Variants in ATP2B3 observed in about 807,000 individuals in gnomAD.
ATP2B3 encodes plasma membrane calcium-transporting ATPase 3.
Under a neutral mutation model 70.8 loss-of-function variants are expected in ATP2B3, and 12 were observed. The observed-to-expected ratio is 0.17, with a 90% CI of 0.11 to 0.27. The LOEUF (loss-of-function observed/expected upper bound fraction) is 0.27. Ranked by LOEUF, ATP2B3 falls within the 10% of genes least tolerant of loss-of-function variation. ATP2B3 has a pLI of 1.00. For synonymous variants in ATP2B3, 460 were observed against 497.8 expected (o/e 0.92, Z 1.01); for missense variants, 858 against 1,118.5 (o/e 0.77, Z 3.32).
chrX:153,549,449 A>G (rs782743146), intron 10 of ATP2B3, 48 bp from the exon 11 acceptor site: 14 of 1,205,893 alleles, frequency 1.2e-5, no homozygotes, highest in East Asian at 5.9e-5. Flanking sequence ...TCACTCCTCC[A>G]CCCCAACAAG....
chrX:153,573,115 G>A (rs2090813068), intron 21 of ATP2B3, among the ~76,000 whole-genome samples: 1 of 112,789 alleles, frequency 8.9e-6, no homozygotes, highest in Admixed American at 9.3e-5. Context: ...TTAGGCAGCA[G>A]GCCATGAGTC....
chrX:153,581,407 C>T lies in ATP2B3; in HGVS notation c.*1109C>T, dbSNP rs2090921179. 1 of 112,619 alleles carries T rather than the reference C, an allele frequency of 8.9e-6. No homozygotes were observed. Among genetic ancestry groups the T allele is most frequent in the African/African-American group, 3.2e-5 (1 of 30,969 alleles). 9.3% of individuals were successfully genotyped at this position (112,619 alleles called of 1,213,427 possible). A position where few individuals can be genotyped will look rare whatever the true frequency, so the allele number is the denominator to read the frequency against. ...TTTCAGCTTTCTTTGGTTCCTACTC[C>T]AATTCCACATCCTTCATCCTGGCCA... is the stretch of plus-strand genomic sequence containing the variant. On this transcript the variant is annotated 3_prime_UTR_variant, in exon 22 of 22. Coordinates refer to ENST00000263519, the MANE Select transcript of ATP2B3 (RefSeq NM_001001344.3).
At chrX:153,521,013 C>G (rs1443176542) in intron 2 of ATP2B3, among the ~76,000 whole-genome samples, 1 of 113,162 alleles carries the variant, frequency 8.8e-6, no homozygotes, top group African/African-American at 3.2e-5. Flanking sequence ...ATGGCCCCTT[C>G]AGGGCACCCG....
chrX:153,561,904 T>C (rs890502388), intron 19 of ATP2B3, among the ~76,000 whole-genome samples: 1 of 112,556 alleles, frequency 8.9e-6, no homozygotes, highest in African/African-American at 3.2e-5. Flanking sequence ...GCATGGTCAG[T>C]GGAGCTGGGC....
chrX:153,561,686 AG>A (rs2090627208), intron 19 of ATP2B3, among the ~76,000 whole-genome samples: 1 of 112,170 alleles, frequency 8.9e-6, no homozygotes, highest in Non-Finnish European at 1.9e-5. Context: ...AATGAGTGCA[AG>A]GGGATAGTGG....
intron 2 of ATP2B3, among the ~76,000 whole-genome samples, chrX:153,528,057 A>C (rs1264253379): frequency 1.8e-5 from 2 of 112,929 alleles, no homozygotes; most frequent in African/African-American, 3.2e-5. Context: ...AGGCCCAGAG[A>C]GCTTGAGTGA....
At chrX:153,548,151 G>A (rs1413485683) in intron 9 of ATP2B3, 152 bp downstream of exon 9, 4 of 792,019 alleles carry the variant, frequency 5.1e-6, no homozygotes, top group South Asian at 3.4e-5. Context: ...GGCCAGGCCG[G>A]CAGTGGCCAT....
At chrX:153,542,263 C>G in intron 5 of ATP2B3, 60 bp from the exon 6 acceptor site, 1 of 1,200,469 alleles carries the variant, frequency 8.3e-7, no homozygotes, top group East Asian at 3.0e-5. Context: ...GACGGGACCT[C>G]CCCTGGGGCA....
intron 2 of ATP2B3, among the ~76,000 whole-genome samples, chrX:153,533,531 A>G (rs2124366209): frequency 9.1e-6 from 1 of 110,445 alleles, no homozygotes; most frequent in South Asian, 3.9e-4. Flanking sequence ...CGCTGGAGTG[A>G]TGGTGCCTGA....
chrX:153,523,961 G>A (rs1299427623), intron 2 of ATP2B3, among the ~76,000 whole-genome samples: 3 of 111,503 alleles, frequency 2.7e-5, no homozygotes, highest in Non-Finnish European at 5.6e-5. Flanking sequence ...CTCCCAAAGT[G>A]CTGGAATGAA....
chrX:153,574,675 G>C (rs1398037749), intron 21 of ATP2B3: 1 of 285,747 alleles, frequency 3.5e-6, no homozygotes, highest in African/African-American at 2.8e-5. Context: ...TACTCTTCTC[G>C]GTCCTTCGCT....
Position 153,517,665 on chromosome X carries a change from C to T in ATP2B3, c.-457C>T, listed in dbSNP as rs1556996563. 9.3e-6 allele frequency: 1 copy of T among 107,754 alleles called. No individual in the cohort carries two copies. Among genetic ancestry groups the T allele is most frequent in the African/African-American group, 3.4e-5 (1 of 29,737 alleles). 8.9% of individuals were successfully genotyped at this position (107,754 alleles called of 1,213,427 possible). ...TCAGAGCTGCGGTTGGAGCCGAGCGCGCCGCGTCGCCCGCCGCCGGTGCAG... is the reference window on the plus strand; with the variant it reads ...TCAGAGCTGCGGTTGGAGCCGAGCGTGCCGCGTCGCCCGCCGCCGGTGCAG... On this transcript the variant is annotated 5_prime_UTR_variant, in exon 1 of 22. Coordinates refer to ENST00000263519, the MANE Select transcript of ATP2B3 (RefSeq NM_001001344.3).
At position 153,560,691 on chromosome X, in the gene ATP2B3, A is replaced by C. The variant is rs782056910; in HGVS notation, c.2855A>C (p.Asp952Ala). The C allele has an allele frequency of 4.1e-6, 5 of 1,211,729 alleles. No homozygotes were observed. The highest frequency in any genetic ancestry group is 5.6e-6 in the Non-Finnish European group (5 of 895,431). Residue 952 changes from aspartate to alanine, a missense_variant, in exon 19 of 22, where the codon GAC (aspartate) becomes GCC (alanine). By Grantham distance (126) the Asp-to-Ala change is moderately radical. This residue lies in a region of ATP2B3 where 265 missense variants were observed against 305.3 expected (regional missense o/e 0.87). Coordinates refer to ENST00000263519, the MANE Select transcript of ATP2B3 (RefSeq NM_001001344.3). ...TLLFVGELFF[D>A]IDSGRNAPLH... The stretch of plus-strand genomic sequence containing the variant: ...TGCTTTCCAGGGGAGCTCTTCTTCG[A>C]CATCGACAGCGGGAGGAATGCGCCC...
rs1380920364 is a variant in ATP2B3 at position 153,581,485 on chromosome X, G to C, written c.*1187G>C. 1 of 112,481 alleles carries C rather than the reference G, an allele frequency of 8.9e-6. No individual in the cohort carries two copies. The highest frequency in any genetic ancestry group is 2.8e-4 in the East Asian group (1 of 3,588). The allele number at this position is 112,481 out of a possible 1,213,427, so 9.3% of individuals were successfully genotyped here. On this transcript the variant is annotated 3_prime_UTR_variant, in exon 22 of 22. Transcript: ENST00000263519. ...CTCTTGGAGTTGTGGGTCCTGCCCA[G>C]AGTCCAGAGAGCAGCCTCAGCTGAG...
At chrX:153,542,524 G>T in intron 6 of ATP2B3, 76 bp downstream of exon 6, 1 of 1,142,740 alleles carries the variant, frequency 8.8e-7, no homozygotes, top group Non-Finnish European at 1.2e-6. Context: ...TGTCCAGGCT[G>T]CCTGCTGGGC....
rs375795849 is a variant in ATP2B3, at chrX:153,556,289, C to T, written c.2239-42C>T. 1.6e-4 allele frequency: 196 copies of T among 1,199,305 alleles called. 1 individual carries two copies. The highest frequency in any genetic ancestry group is 1.4e-3 in the Middle Eastern group (6 of 4,329). ...TCTCCTCACCCCAGCCCCCTGCGTG[C>T]CCGCCTTAGCTCTGCAGCGTCCTTG... On this transcript the variant is annotated intron_variant, in intron 14 of 21. Coordinates refer to ENST00000263519, the MANE Select transcript of ATP2B3 (RefSeq NM_001001344.3).
At chrX:153,547,543 C>T (rs2090387383) in intron 8 of ATP2B3, among the ~76,000 whole-genome samples, 1 of 111,551 alleles carries the variant, frequency 9.0e-6, no homozygotes, top group African/African-American at 3.3e-5. Flanking sequence ...CATTCCAGGA[C>T]CAGTCACCCT....
At chrX:153,578,335 C>T (rs2090881772) in intron 21 of ATP2B3, among the ~76,000 whole-genome samples, 1 of 112,755 alleles carries the variant, frequency 8.9e-6, no homozygotes, top group Non-Finnish European at 1.9e-5. Flanking sequence ...ACCCCAGGGT[C>T]TGCCTGGCAG....
chrX:153,559,689 G>C, intron 17 of ATP2B3, 40 bp from the exon 18 acceptor site: 1 of 1,175,720 alleles, frequency 8.5e-7, no homozygotes, highest in East Asian at 3.0e-5. Context: ...ACCTTCCCGG[G>C]CAGGCGGCCC....
Sources: allele counts gnomAD v4.1 joint callset (sites outside exome capture counted in the v4.1 genomes callset), GRCh38; gene constraint gnomAD v4.1.1; regional missense constraint gnomAD v4.1.1; transcripts MANE v1.5; gene names NCBI Gene and HGNC (gene_info 2026-07-23, HGNC 2026-07-21).